The following SNTG2 variants were observed in gnomAD, a reference collection of about 807,000 sequenced individuals.
SNTG2 encodes syntrophin gamma 2, also known as gamma-2-syntrophin.
A neutral mutation model predicts 70.9 loss-of-function variants in SNTG2; 74 were observed. The observed-to-expected ratio is 1.04, with a 90% CI of 0.86 to 1.27. The LOEUF is 1.27. SNTG2 is among the 50% of genes most tolerant of loss of function. The pLI, the probability that SNTG2 is intolerant of heterozygous loss-of-function variation, is 0.00. For synonymous variants in SNTG2, 278 were observed against 273.8 expected (o/e 1.02, Z -0.15); for missense variants, 717 against 690.7 (o/e 1.04, Z -0.43).
At chr2:1,001,000 A>G (rs1659365746) in intron 1 of SNTG2, among the ~76,000 whole-genome samples, 1 of 152,034 alleles carries the variant, frequency 6.6e-6, no homozygotes. Context: ...CCACGTAAAC[A>G]AAAAGTAAAA....
At chr2:962,272 A>G (rs566109020) in intron 1 of SNTG2, among the ~76,000 whole-genome samples, 1 of 146,470 alleles carries the variant, frequency 6.8e-6, no homozygotes, top group Admixed American at 7.0e-5. Flanking sequence ...GGGTCCCATT[A>G]TGTTGCCCAG....
chr2:1,331,687 G>A (rs1659540184), intron 16 of SNTG2, among the ~76,000 whole-genome samples: 1 of 152,210 alleles, frequency 6.6e-6, no homozygotes, highest in Admixed American at 6.5e-5. Context: ...CAGGCTGTCA[G>A]TAGCTCACTT....
At chr2:1,151,109 G>A (rs4971392) in intron 6 of SNTG2, among the ~76,000 whole-genome samples, 141,306 of 152,300 alleles carry the variant, frequency 0.93, 65,746 homozygotes, top group Non-Finnish European at 0.97. Flanking sequence ...ACAGTGGAAA[G>A]TATCAGTGAA....
chr2:1,317,802 G>C (rs67619060), intron 16 of SNTG2, among the ~76,000 whole-genome samples: 2,319 of 37,976 alleles, frequency 0.061, 985 homozygotes, highest in Middle Eastern at 0.28. Flanking sequence ...TTCAGGGTTT[G>C]GATTTTCATT....
intron 9 of SNTG2, among the ~76,000 whole-genome samples, chr2:1,212,544 A>G (rs973736843): frequency 6.6e-6 from 1 of 152,266 alleles, no homozygotes; most frequent in Non-Finnish European, 1.5e-5. Context: ...ATTTTGTTTT[A>G]TAAAGGCAAA....
Position 1,121,555 on chromosome 2 carries a change from A to G in SNTG2, c.326-16067A>G, listed in dbSNP as rs183075066. 2.0e-5 allele frequency among the ~76,000 whole-genome samples: 3 copies of G among 148,642 alleles called. No individual in the cohort carries two copies. In the East Asian group the frequency reaches 5.8e-4, roughly 29 times the overall value. On this transcript the variant is annotated intron_variant, in intron 4 of 16. Transcript: ENST00000308624. ...TGTCTGAGACTGGGTAATTTATATG[A>G]AGGAAAGTGTTTGACTCACAGTTCC... is the stretch of plus-strand genomic sequence containing the variant.
intron 4 of SNTG2, among the ~76,000 whole-genome samples, chr2:1,112,942 A>G (rs1666601132): frequency 6.6e-6 from 1 of 150,474 alleles, no homozygotes; most frequent in East Asian, 2.0e-4. Flanking sequence ...GTGAGGTTTA[A>G]TACTTACATT....
chr2:1,326,790 A>C (rs1446727842), intron 16 of SNTG2, among the ~76,000 whole-genome samples: 1 of 152,206 alleles, frequency 6.6e-6, no homozygotes, highest in Non-Finnish European at 1.5e-5. Flanking sequence ...GCTTTGACAC[A>C]CAAGATAAAA....
At chr2:1,192,183 T>C (rs1672636302) in intron 8 of SNTG2, among the ~76,000 whole-genome samples, 1 of 152,302 alleles carries the variant, frequency 6.6e-6, no homozygotes, top group African/African-American at 2.4e-5. Context: ...AGCCAGATGA[T>C]GTGGGGCAGA....
chr2:1,099,542 G>A (rs1339968757), intron 4 of SNTG2, among the ~76,000 whole-genome samples: 1 of 152,272 alleles, frequency 6.6e-6, no homozygotes, highest in Admixed American at 6.5e-5. Context: ...GAGGCTGGAG[G>A]TCCCAGGCTG....
At chr2:1,224,741 G>A (rs1675650794) in intron 9 of SNTG2, among the ~76,000 whole-genome samples, 1 of 152,128 alleles carries the variant, frequency 6.6e-6, no homozygotes, top group Non-Finnish European at 1.5e-5. Flanking sequence ...ATGTTTACCT[G>A]GACTGGGTCC....
intron 16 of SNTG2, among the ~76,000 whole-genome samples, chr2:1,363,672 C>T (rs1343313646): frequency 2.6e-5 from 4 of 152,180 alleles, no homozygotes; most frequent in Non-Finnish European, 5.9e-5. Flanking sequence ...AACAAAATGT[C>T]AAAATGTGAT....
chr2:1,037,979 A>G lies in SNTG2; in HGVS notation c.73-45539A>G, dbSNP rs957406698. ...TACTTGGGTGGGCTTGCTATGTCAC[A>G]TGGTCACTCTGCTTCTCATCTGTGG... On this transcript the variant is annotated intron_variant, in intron 1 of 16. Coordinates refer to ENST00000308624, the MANE Select transcript of SNTG2 (RefSeq NM_018968.4). Among the ~76,000 whole-genome samples, 3 of 152,276 alleles carry G rather than the reference A, an allele frequency of 2.0e-5. No individual in the cohort carries two copies. In the South Asian group the frequency reaches 6.2e-4, roughly 32 times the overall value.
intron 16 of SNTG2, among the ~76,000 whole-genome samples, chr2:1,361,024 C>G (rs1263882823): frequency 3.3e-5 from 5 of 152,218 alleles, no homozygotes; most frequent in African/African-American, 9.6e-5. Context: ...CCACTAGCAT[C>G]CATCAACTCA....
intron 8 of SNTG2, among the ~76,000 whole-genome samples, chr2:1,197,960 A>G (rs1392023878): frequency 6.6e-6 from 1 of 152,206 alleles, no homozygotes; most frequent in Non-Finnish European, 1.5e-5. Flanking sequence ...AAAGAAAATC[A>G]ACAGGGAAGC....
intron 1 of SNTG2, among the ~76,000 whole-genome samples, chr2:1,076,667 A>G (rs563523754): frequency 7.9e-5 from 12 of 152,350 alleles, no homozygotes; most frequent in African/African-American, 2.9e-4. Flanking sequence ...AGATGCACTC[A>G]GCTGCATAAA....
At chr2:1,117,610 C>T (rs867861616) in intron 4 of SNTG2, among the ~76,000 whole-genome samples, 12 of 152,200 alleles carry the variant, frequency 7.9e-5, no homozygotes, top group Non-Finnish European at 1.6e-4. Flanking sequence ...GAATCAGAAC[C>T]GAGGCGGAGC....
chr2:1,259,539 T>C, intron 13 of SNTG2, 98 bp downstream of exon 13: 1 of 994,672 alleles, frequency 1.0e-6, no homozygotes, highest in Non-Finnish European at 1.6e-6. Context: ...TCCATTGAAA[T>C]AGTAAAATTT....
At chr2:1,187,465 A>C (rs1364589051) in intron 8 of SNTG2, among the ~76,000 whole-genome samples, 1 of 152,164 alleles carries the variant, frequency 6.6e-6, no homozygotes, top group Non-Finnish European at 1.5e-5. Flanking sequence ...AACTGCAGCC[A>C]CTTCCTGGGG....
Sources: allele counts gnomAD v4.1 joint callset (sites outside exome capture counted in the v4.1 genomes callset), GRCh38; gene constraint gnomAD v4.1.1; transcripts MANE v1.5; gene names NCBI Gene and HGNC (gene_info 2026-07-23, HGNC 2026-07-21).